Variants in PLA2G4E observed in about 807,000 individuals in gnomAD.
PLA2G4E encodes the protein cytosolic phospholipase A2 epsilon.
PLA2G4E carries 84 observed loss-of-function variants against 109.1 expected under a neutral mutation model. The ratio of observed to expected loss-of-function variants is 0.77; its 90% CI spans 0.65 to 0.92. The LOEUF is 0.92. PLA2G4E is among the 40% of genes least tolerant of loss of function. The probability of loss-of-function intolerance (pLI) is 0.00; values close to 1 mark genes in which losing one functional copy is unlikely to be tolerated. For missense variants in PLA2G4E, 1,057 were observed against 1,076.6 expected (o/e 0.98, Z 0.25); for synonymous variants, 469 against 436.1 (o/e 1.08, Z -0.94).
intron 1 of PLA2G4E, among the ~76,000 whole-genome samples, chr15:42,036,079 T>C (rs920134809): frequency 3.9e-5 from 6 of 152,246 alleles, no homozygotes; most frequent in Non-Finnish European, 8.8e-5. Context: ...TTCACAGTTG[T>C]GACCTATTCC....
Position 42,013,585 on chromosome 15 carries a change from GCA to G in PLA2G4E, c.256+98_256+99del, listed in dbSNP as rs150986627. 1,107 of 1,065,926 alleles carry G rather than the reference GCA, an allele frequency of 1.0e-3. 2 individuals are homozygous for G. Among genetic ancestry groups the G allele is most frequent in the African/African-American group, 3.1e-3 (193 of 63,076 alleles). 66.0% of individuals were successfully genotyped at this position (1,065,926 alleles called of 1,614,324 possible). ...ACCATGCACGTGCACACGTGCGCGCGCACACACACACACGGATCCACCTGACC... is the reference window on the plus strand; with the variant it reads ...ACCATGCACGTGCACACGTGCGCGCGCACACACACACGGATCCACCTGACC... On this transcript the variant is annotated intron_variant, in intron 2 of 19. Coordinates refer to ENST00000399518, the Ensembl canonical transcript of PLA2G4E.
At chr15:42,026,760 G>C (rs764550861) in intron 1 of PLA2G4E, among the ~76,000 whole-genome samples, 1 of 152,120 alleles carries the variant, frequency 6.6e-6, no homozygotes, top group African/African-American at 2.4e-5. Flanking sequence ...ATCATTTGAG[G>C]TCAGGAGTTC....
In PLA2G4E at chr15:42,005,928, A is replaced by G. The variant is rs116530725; in HGVS notation, c.525+62T>C. The G allele has an allele frequency of 1.7e-3, 2,597 of 1,562,994 alleles. 37 individuals carry two copies. The African/African-American group carries it at 0.031, about 19-fold the overall frequency. The stretch of plus-strand genomic sequence containing the variant: ...GACCCTGGGGAATGGCTTTGTGGGA[A>G]TCAGCAACAGCTATGAGGTTATCAT... On this transcript the variant is annotated intron_variant, in intron 4 of 19. Transcript: ENST00000399518.
chr15:41,996,709 G>A (rs1465692576), intron 11 of PLA2G4E, among the ~76,000 whole-genome samples: 4 of 152,254 alleles, frequency 2.6e-5, no homozygotes, highest in East Asian at 1.9e-4. Context: ...ATTTCTGGGA[G>A]TGTGTTTACC....
At chr15:42,007,730 T>C (rs1454179611) in exon 3 of PLA2G4E, 1 of 1,611,628 alleles carries the variant, frequency 6.2e-7, no homozygotes, top group African/African-American at 1.3e-5. Flanking sequence ...ATGTCTCACC[T>C]TCACTCGGCT....
chr15:41,997,142 T>C, exon 11 of PLA2G4E: 2 of 1,569,452 alleles, frequency 1.3e-6, no homozygotes, highest in South Asian at 1.2e-5. Context: ...CCTGCAGGTC[T>C]TCCTCCAGCT....
Position 41,984,532 on chromosome 15 carries a change from C to A in PLA2G4E, c.2290G>T (p.Glu764Ter). 1 of 1,613,838 alleles carries A rather than the reference C, an allele frequency of 6.2e-7. No homozygotes were observed. Among genetic ancestry groups the A allele is most frequent in the Non-Finnish European group, 8.5e-7 (1 of 1,179,768 alleles). ...TGGGGGTTCTCCATCAGGTAGCATT[C>A]CTTGAGATTTTCATTCTCATCTGGC... is the stretch of plus-strand genomic sequence containing the variant. Residue 764 changes from glutamate (E) to a stop codon, truncating the protein, a stop_gained, in exon 19 of 20, where the codon GAA becomes TAA. Transcript: ENST00000399518. LOFTEE classifies it high-confidence loss of function.
chr15:42,030,247 A>G (rs1345835723), intron 1 of PLA2G4E, among the ~76,000 whole-genome samples: 1 of 152,162 alleles, frequency 6.6e-6, no homozygotes, highest in Non-Finnish European at 1.5e-5. Flanking sequence ...AGAGAGTTGA[A>G]GAAAGAGAGG....
At chr15:41,990,491 C>T (rs1439714521) in intron 13 of PLA2G4E, among the ~76,000 whole-genome samples, 1 of 152,090 alleles carries the variant, frequency 6.6e-6, no homozygotes, top group African/African-American at 2.4e-5. Flanking sequence ...CTCTCAGAGT[C>T]CCAGGGTCTT....
At chr15:42,046,329 C>T (rs919875539) in intron 1 of PLA2G4E, among the ~76,000 whole-genome samples, 6 of 152,236 alleles carry the variant, frequency 3.9e-5, no homozygotes, top group African/African-American at 7.2e-5. Flanking sequence ...CCGCAGCATC[C>T]GGTCCATAAG....
At chr15:42,047,395 A>AAG (rs1889433226) in intron 1 of PLA2G4E, among the ~76,000 whole-genome samples, 2 of 152,202 alleles carry the variant, frequency 1.3e-5, no homozygotes, top group Non-Finnish European at 1.5e-5. Context: ...AAGAGAGCAC[A>AAG]AGAGAGAGCA....
chr15:41,986,044 C>T, intron 17 of PLA2G4E, 39 bp from the exon 18 acceptor site: 4 of 1,554,668 alleles, frequency 2.6e-6, no homozygotes, highest in Non-Finnish European at 3.5e-6. Flanking sequence ...ACACCTGGTG[C>T]CCTGACAGCC....
At chr15:41,983,782 T>C (rs1259717253) in exon 20 of PLA2G4E, 2 of 1,601,966 alleles carry the variant, frequency 1.2e-6, no homozygotes, top group Non-Finnish European at 8.5e-7. Context: ...CTTCAGGCGC[T>C]TCTTCTTCTC....
chr15:42,033,789 C>G (rs1889158828), intron 1 of PLA2G4E, among the ~76,000 whole-genome samples: 1 of 152,176 alleles, frequency 6.6e-6, no homozygotes, highest in Non-Finnish European at 1.5e-5. Flanking sequence ...GTGAAAGCAG[C>G]CCCTGGCCCT....
At chr15:41,995,827 G>T (rs912080611) in intron 11 of PLA2G4E, among the ~76,000 whole-genome samples, 1 of 152,224 alleles carries the variant, frequency 6.6e-6, no homozygotes, top group Non-Finnish European at 1.5e-5. Flanking sequence ...GGGGTCCGAG[G>T]GTGGTGGGCA....
At chr15:42,046,497 A>G (rs11070356) in intron 1 of PLA2G4E, among the ~76,000 whole-genome samples, 11,578 of 152,184 alleles carry the variant, frequency 0.076, 559 homozygotes, top group Middle Eastern at 0.11. Context: ...CTTGCCATCA[A>G]TCTTCTCATC....
chr15:42,050,064 T>A (rs764496351), intron 1 of PLA2G4E, among the ~76,000 whole-genome samples: 2 of 152,224 alleles, frequency 1.3e-5, no homozygotes, highest in Non-Finnish European at 2.9e-5. Flanking sequence ...GCCAGGCCAC[T>A]ATGCTAGACT....
chr15:42,007,797 T>C (rs775953520), exon 3 of PLA2G4E: 12 of 1,611,942 alleles, frequency 7.4e-6, no homozygotes, highest in Non-Finnish European at 1.0e-5. Flanking sequence ...TTGGAGATGG[T>C]CCTTGTCCTC....
chr15:42,029,868 T>G (rs1889082877), intron 1 of PLA2G4E, among the ~76,000 whole-genome samples: 1 of 152,204 alleles, frequency 6.6e-6, no homozygotes, highest in Non-Finnish European at 1.5e-5. Context: ...TACAAAGACA[T>G]CATCGCTGCC....
Sources: gnomAD v4.1 joint callset for allele counts (sites outside exome capture counted in the v4.1 genomes callset) on GRCh38, gnomAD v4.1.1 for gene constraint, MANE v1.5 for transcripts, NCBI Gene and HGNC (gene_info 2026-07-23, HGNC 2026-07-21) for gene names.